CDYL: variants seen among roughly 807,000 people sequenced by gnomAD.
CDYL encodes chromodomain Y like.
A neutral mutation model predicts 47.3 loss-of-function variants in CDYL; 8 were observed. The ratio of observed to expected loss-of-function variants is 0.17; its 90% CI spans 0.10 to 0.31. The LOEUF (loss-of-function observed/expected upper bound fraction) is 0.31. CDYL is among the 10% of genes least tolerant of loss of function. The pLI, the probability that CDYL is intolerant of heterozygous loss-of-function variation, is 1.00. For synonymous variants in CDYL, 266 were observed against 265.0 expected (o/e 1.00, Z -0.04); for missense variants, 471 against 701.4 (o/e 0.67, Z 3.71).
At chr6:4,831,284 G>T (rs1184702528) in intron 1 of CDYL, among the ~76,000 whole-genome samples, 21 of 152,256 alleles carry the variant, frequency 1.4e-4, no homozygotes. Context: ...TCCAGTTTCA[G>T]CTTTCTACAT....
intron 1 of CDYL, among the ~76,000 whole-genome samples, chr6:4,823,725 C>A (rs186365385): frequency 6.6e-6 from 1 of 152,032 alleles, no homozygotes; most frequent in African/African-American, 2.4e-5. Flanking sequence ...ACTTTGTAAC[C>A]GGTAAAATAT....
chr6:4,854,806 C>G (rs559079987), intron 1 of CDYL, among the ~76,000 whole-genome samples: 2 of 152,258 alleles, frequency 1.3e-5, no homozygotes, highest in Non-Finnish European at 2.9e-5. Context: ...ACATGAAGCA[C>G]CACACACCGA....
intron 3 of CDYL, among the ~76,000 whole-genome samples, chr6:4,753,575 A>G (rs897230981): frequency 6.6e-6 from 1 of 152,182 alleles, no homozygotes; most frequent in African/African-American, 2.4e-5. Context: ...GGCACTGTGT[A>G]TTTGGATCCC....
At chr6:4,797,532 A>G (rs1040568538) in intron 1 of CDYL, among the ~76,000 whole-genome samples, 35 of 151,924 alleles carry the variant, frequency 2.3e-4, no homozygotes, top group African/African-American at 8.5e-4. Context: ...AGCCGCCGCC[A>G]CCACTATCTA....
At chr6:4,787,717 C>G (rs1758792554) in intron 1 of CDYL, among the ~76,000 whole-genome samples, 3 of 147,454 alleles carry the variant, frequency 2.0e-5, no homozygotes, top group South Asian at 4.3e-4. Context: ...AGAAGGAGAC[C>G]AAAGACATGC....
chr6:4,930,899 G>A (rs950227278), intron 2 of CDYL, among the ~76,000 whole-genome samples: 2 of 152,204 alleles, frequency 1.3e-5, no homozygotes, highest in African/African-American at 2.4e-5. Flanking sequence ...TTGTACTCCC[G>A]TGTCAACGAT....
intron 2 of CDYL, among the ~76,000 whole-genome samples, chr6:4,901,987 G>A (rs570287669): frequency 6.6e-6 from 1 of 152,154 alleles, no homozygotes; most frequent in Non-Finnish European, 1.5e-5. Flanking sequence ...AGACAGAAAA[G>A]GGGCTTCTCT....
chr6:4,820,387 A>C (rs1262151946), intron 1 of CDYL, among the ~76,000 whole-genome samples: 3 of 152,206 alleles, frequency 2.0e-5, no homozygotes, highest in African/African-American at 7.2e-5. Flanking sequence ...CCCTCCTCAC[A>C]GCAAAGTTTT....
At chr6:4,724,004 C>T (rs966715874) in intron 2 of CDYL, among the ~76,000 whole-genome samples, 1 of 152,224 alleles carries the variant, frequency 6.6e-6, no homozygotes, top group African/African-American at 2.4e-5. Context: ...ACTCATCCCA[C>T]ATACCTGTGC....
At chr6:4,710,691 C>G (rs570400314) in intron 1 of CDYL, among the ~76,000 whole-genome samples, 1 of 152,184 alleles carries the variant, frequency 6.6e-6, no homozygotes, top group Non-Finnish European at 1.5e-5. Context: ...ACGCTGTGCT[C>G]CCGTCTTTAT....
chr6:4,781,648 C>T (rs1289564744), intron 1 of CDYL, among the ~76,000 whole-genome samples: 1 of 152,124 alleles, frequency 6.6e-6, no homozygotes, highest in African/African-American at 2.4e-5. Context: ...ACCAGAATAG[C>T]GTTTTTTTCA....
chr6:4,952,962 C>T (rs1451050029), intron 6 of CDYL, among the ~76,000 whole-genome samples: 2 of 151,880 alleles, frequency 1.3e-5, no homozygotes, highest in African/African-American at 2.4e-5. Context: ...GACACGGAGT[C>T]TCACCACGTT....
At chr6:4,749,851 T>A (rs1757960514) in intron 3 of CDYL, among the ~76,000 whole-genome samples, 1 of 151,856 alleles carries the variant, frequency 6.6e-6, no homozygotes, top group Non-Finnish European at 1.5e-5. Flanking sequence ...CCTTCGAGAG[T>A]GAAAGAGGGC....
chr6:4,841,897 A>G (rs897339245), intron 1 of CDYL, among the ~76,000 whole-genome samples: 1 of 150,338 alleles, frequency 6.7e-6, no homozygotes, highest in Non-Finnish European at 1.5e-5. Context: ...TTCTATAAAT[A>G]TCTGTTAAAT....
chr6:4,890,957 C>T (rs895708327), intron 1 of CDYL, among the ~76,000 whole-genome samples: 4 of 152,202 alleles, frequency 2.6e-5, no homozygotes, highest in Admixed American at 1.3e-4. Context: ...GAAGATCTCT[C>T]TTCCATTTAC....
At chr6:4,899,918 T>C (rs1208547429) in intron 2 of CDYL, among the ~76,000 whole-genome samples, 4 of 152,212 alleles carry the variant, frequency 2.6e-5, no homozygotes, top group African/African-American at 7.2e-5. Context: ...GTTTTCCTTC[T>C]TATTCTGAGA....
chr6:4,786,508 T>G (rs1171886985), intron 1 of CDYL, among the ~76,000 whole-genome samples: 1 of 151,882 alleles, frequency 6.6e-6, no homozygotes, highest in South Asian at 2.1e-4. Flanking sequence ...AATTAAGTAG[T>G]TCAAAAAAAA....
intron 1 of CDYL, among the ~76,000 whole-genome samples, chr6:4,710,951 G>A (rs1279654944): frequency 1.3e-5 from 2 of 150,926 alleles, no homozygotes; most frequent in Non-Finnish European, 3.0e-5. Flanking sequence ...ACACACAAAG[G>A]TAACTGTCAG....
intron 2 of CDYL, among the ~76,000 whole-genome samples, chr6:4,723,966 G>A (rs906314093): frequency 6.6e-5 from 10 of 152,190 alleles, no homozygotes; most frequent in Non-Finnish European, 1.5e-4. Context: ...GATTAAAAGA[G>A]AGATTTATGT....
Sources: gnomAD v4.1 joint callset for allele counts (sites outside exome capture counted in the v4.1 genomes callset) on GRCh38, gnomAD v4.1.1 for gene constraint, MANE v1.5 for transcripts, NCBI Gene and HGNC (gene_info 2026-07-23, HGNC 2026-07-21) for gene names.